The following AKR1C4 variants were observed in gnomAD, a reference collection of about 807,000 sequenced individuals.
AKR1C4 encodes the protein aldo-keto reductase family 1 member C4.
A neutral mutation model predicts 41.0 loss-of-function variants in AKR1C4; 44 were observed. The observed-to-expected ratio is 1.07, with a 90% CI of 0.84 to 1.38. The LOEUF (loss-of-function observed/expected upper bound fraction) is 1.38. AKR1C4 is among the 40% of genes most tolerant of loss of function. The pLI is 0.00. For missense variants in AKR1C4, 438 were observed against 387.9 expected (o/e 1.13, Z -1.09); for synonymous variants, 165 against 137.7 (o/e 1.20, Z -1.39).
At chr10:5,205,636 C>A in intron 3 of AKR1C4, 121 bp from the exon 4 acceptor site, 1 of 717,302 alleles carries the variant, frequency 1.4e-6, no homozygotes, top group Non-Finnish European at 2.2e-6. Flanking sequence ...TGGCCCACAT[C>A]ACTTTCTAGA....
chr10:5,209,062 C>T (rs537477396), intron 5 of AKR1C4, among the ~76,000 whole-genome samples: 3 of 152,120 alleles, frequency 2.0e-5, no homozygotes, highest in Admixed American at 1.3e-4. Flanking sequence ...GAGAAACTGC[C>T]TCTACATTGC....
chr10:5,210,677 T>C (rs1335666143), intron 5 of AKR1C4, among the ~76,000 whole-genome samples: 1 of 151,578 alleles, frequency 6.6e-6, no homozygotes, highest in Non-Finnish European at 1.5e-5. Context: ...AATGGCGCTA[T>C]CTCAGCTCAC....
intron 5 of AKR1C4, chr10:5,207,561 A>T: frequency 1.3e-6 from 1 of 741,368 alleles, no homozygotes; most frequent in Non-Finnish European, 2.2e-6. Context: ...GTGCTAAGAA[A>T]CTAGACTTGA....
At chr10:5,218,295 G>A (rs928066003) in intron 8 of AKR1C4, among the ~76,000 whole-genome samples, 2 of 152,138 alleles carry the variant, frequency 1.3e-5, no homozygotes, top group Non-Finnish European at 1.5e-5. Flanking sequence ...AAAAGGATAT[G>A]TGATTGCTAC....
At chr10:5,211,195 C>G (rs1331972643) in intron 5 of AKR1C4, among the ~76,000 whole-genome samples, 4 of 152,214 alleles carry the variant, frequency 2.6e-5, no homozygotes, top group African/African-American at 7.2e-5. Flanking sequence ...GCCTTGGAGA[C>G]ATTTTCCCCA....
chr10:5,209,413 T>A (rs1438094003), intron 5 of AKR1C4, among the ~76,000 whole-genome samples: 2 of 152,104 alleles, frequency 1.3e-5, no homozygotes, highest in East Asian at 3.8e-4. Flanking sequence ...ATAAAAAAAT[T>A]TTTTTCACAA....
chr10:5,209,342 G>C (rs909242562), intron 5 of AKR1C4, among the ~76,000 whole-genome samples: 9 of 151,818 alleles, frequency 5.9e-5, no homozygotes, highest in Admixed American at 2.0e-4. Flanking sequence ...TCTTTCCTTG[G>C]GGCTTTAAAG....
At chr10:5,216,908 A>AG in intron 8 of AKR1C4, 115 bp downstream of exon 8, 1 of 671,526 alleles carries the variant, frequency 1.5e-6, no homozygotes. Context: ...GTGAGAGGTG[A>AG]GACAGGAACT....
Position 5,206,257 on chromosome 10 carries a change from C to A in AKR1C4, c.448-18C>A, listed in dbSNP as rs782694538. Reference sequence around the variant, plus strand: ...AGCCAACTGCACAAATAATTCCTCACAACCCCTTTCTCCCCAGGTCATGGA... The same window carrying A: ...AGCCAACTGCACAAATAATTCCTCAAAACCCCTTTCTCCCCAGGTCATGGA... On this transcript the variant is annotated intron_variant, in intron 4 of 8. Transcript: ENST00000263126. 1.2e-6 allele frequency: 2 copies of A among 1,613,964 alleles called. No homozygotes were observed. The highest frequency in any genetic ancestry group is 8.5e-7 in the Non-Finnish European group (1 of 1,179,896).
chr10:5,202,815 C>T (rs552040635), intron 2 of AKR1C4, among the ~76,000 whole-genome samples: 163 of 152,092 alleles, frequency 1.1e-3, no homozygotes, highest in South Asian at 6.0e-3. Context: ...CATCCCTGCA[C>T]CTATGGGATG....
intron 5 of AKR1C4, among the ~76,000 whole-genome samples, chr10:5,209,913 A>G (rs1255395295): frequency 6.6e-6 from 1 of 152,128 alleles, no homozygotes; most frequent in Non-Finnish European, 1.5e-5. Context: ...TTCAAAACCA[A>G]TCATGCATTC....
intron 5 of AKR1C4, among the ~76,000 whole-genome samples, chr10:5,208,557 G>A (rs1265359216): frequency 6.6e-6 from 1 of 151,404 alleles, no homozygotes; most frequent in Non-Finnish European, 1.5e-5. Context: ...AGTATTTGTT[G>A]AATCTCTTCA....
intron 7 of AKR1C4, among the ~76,000 whole-genome samples, chr10:5,213,865 C>T (rs1832613977): frequency 6.6e-6 from 1 of 152,016 alleles, no homozygotes; most frequent in South Asian, 2.1e-4. Flanking sequence ...TTGAAATAGC[C>T]TCTCCCAAAA....
chr10:5,204,485 G>A lies in AKR1C4; in HGVS notation c.361G>A (p.Ala121Thr). The A allele has an allele frequency of 6.2e-7, 1 of 1,608,500 alleles. No individual in the cohort carries two copies. The highest frequency in any genetic ancestry group is 1.1e-5 in the South Asian group (1 of 90,910). ...VDLYLLHFPMALKPGETPLPK... is the reference protein window; with the variant it reads ...VDLYLLHFPMTLKPGETPLPK... ...CCTCTATCTTCTTCATTTCCCAATG[G>A]CTCTCAAGGTAGGGAATTTGTGAGA... The change falls in exon 3 of 9, where the codon GCT becomes ACT. Residue 121 changes from alanine (A) to threonine (T), a missense_variant. Ala to Thr is a moderately conservative substitution (Grantham distance 58, BLOSUM62 0). Transcript: ENST00000263126.
At chr10:5,200,496 A>T in intron 2 of AKR1C4, 148 bp downstream of exon 2, 1 of 1,346,196 alleles carries the variant, frequency 7.4e-7, no homozygotes, top group South Asian at 2.0e-5. Context: ...AAGCTAAAAT[A>T]AAAGGCAGAG....
At chr10:5,216,309 G>T (rs1424863107) in intron 7 of AKR1C4, among the ~76,000 whole-genome samples, 1 of 152,174 alleles carries the variant, frequency 6.6e-6, no homozygotes, top group Non-Finnish European at 1.5e-5. Context: ...TTCCATCATT[G>T]GGGAATTACT....
intron 2 of AKR1C4, among the ~76,000 whole-genome samples, chr10:5,202,939 T>TTGTGTGTGTGTGTGTGTG (rs57414547): frequency 1.4e-5 from 2 of 139,190 alleles, no homozygotes; most frequent in African/African-American, 5.6e-5. Flanking sequence ...TAGTTTTCTT[T>TTGTGTGTGTGTGTGTGTG]TGTGTGTGTG....
Position 5,204,608 on chromosome 10 carries a change from C to A in AKR1C4, c.369+115C>A, listed in dbSNP as rs1554797267. The A allele has an allele frequency of 3.5e-6, 3 of 863,950 alleles. No homozygotes were observed. The African/African-American group carries it at 4.9e-5, about 14-fold the overall frequency. The allele number at this position is 863,950 out of a possible 1,614,324, so 53.5% of individuals were successfully genotyped here. On this transcript the variant is annotated intron_variant, in intron 3 of 8. Transcript: ENST00000263126. ...AGGTGTTATTACATGGCAGAAGAGTCCTAAGTATAATGCCTAAGCCATTTT... is the reference window on the plus strand; with the variant it reads ...AGGTGTTATTACATGGCAGAAGAGTACTAAGTATAATGCCTAAGCCATTTT...
intron 5 of AKR1C4, among the ~76,000 whole-genome samples, chr10:5,212,367 T>G (rs1832588711): frequency 6.6e-6 from 1 of 152,184 alleles, no homozygotes; most frequent in Non-Finnish European, 1.5e-5. Context: ...GAATTGGCCA[T>G]GTGCACTTCT....
Sources: gnomAD v4.1 joint callset for allele counts (sites outside exome capture counted in the v4.1 genomes callset) on GRCh38, gnomAD v4.1.1 for gene constraint, MANE v1.5 for transcripts, NCBI Gene and HGNC (gene_info 2026-07-23, HGNC 2026-07-21) for gene names.